Variants in NRXN1 observed in about 807,000 individuals in gnomAD.
The protein encoded by NRXN1 is neurexin 1.
In NRXN1, 39 loss-of-function variants were observed where a neutral mutation model predicts 150.9. That is an observed-to-expected ratio of 0.26 (90% CI 0.20 to 0.34). The LOEUF (loss-of-function observed/expected upper bound fraction) is 0.34. NRXN1 is among the 10% of genes least tolerant of loss of function. The pLI is 1.00. For missense variants in NRXN1, 1,815 were observed against 1,949.9 expected, an observed-to-expected ratio of 0.93 and a Z score of 1.30; for synonymous variants, 924 against 757.0, an observed-to-expected ratio of 1.22 and a Z score of -3.62.
rs70946891 is a variant in NRXN1, at chr2:50,132,856, CTT to C, written c.3547-41364_3547-41363del. Reference sequence around the variant, plus strand: ...AGTTCTGAAAGTCTGGATTTAGGGTCTTTTTTTTTTTTTTTTACCTTGCCATC... The same window carrying C: ...AGTTCTGAAAGTCTGGATTTAGGGTCTTTTTTTTTTTTTTACCTTGCCATC... On this transcript the variant is annotated intron_variant, in intron 18 of 22. Transcript: ENST00000401669. 2.4e-3 allele frequency among the ~76,000 whole-genome samples: 340 copies of C among 142,380 alleles called. 1 individual carries two copies. Among genetic ancestry groups the C allele is most frequent in the South Asian group, 3.9e-3 (17 of 4,364 alleles). The allele number at this position is 142,380 out of a possible 152,430, so 93.4% of individuals were successfully genotyped here.
At chr2:50,394,404 G>T (rs1470854156) in intron 17 of NRXN1, among the ~76,000 whole-genome samples, 1 of 152,084 alleles carries the variant, frequency 6.6e-6, no homozygotes. Context: ...TTCGCAACAA[G>T]TCTTCCGCTA....
At chr2:50,424,732 C>T (rs931148289) in intron 17 of NRXN1, among the ~76,000 whole-genome samples, 1 of 152,152 alleles carries the variant, frequency 6.6e-6, no homozygotes, top group Admixed American at 6.5e-5. Flanking sequence ...GAATTCAGCA[C>T]CCATATCTAA....
At chr2:50,190,300 C>T (rs774842675) in intron 18 of NRXN1, among the ~76,000 whole-genome samples, 5 of 152,134 alleles carry the variant, frequency 3.3e-5, no homozygotes, top group Admixed American at 3.3e-4. Context: ...GGTACAATTA[C>T]ACTACATAAA....
At chr2:50,835,967 A>G (rs1480591431) in intron 5 of NRXN1, among the ~76,000 whole-genome samples, 2 of 152,194 alleles carry the variant, frequency 1.3e-5, no homozygotes, top group Non-Finnish European at 2.9e-5. Context: ...GGATAAAGAC[A>G]CCTTTTAATT....
At chr2:49,993,779 C>G (rs1295894842) in intron 21 of NRXN1, among the ~76,000 whole-genome samples, 1 of 152,152 alleles carries the variant, frequency 6.6e-6, no homozygotes, top group Non-Finnish European at 1.5e-5. Flanking sequence ...AAGGCAATTG[C>G]TCATCATAGC....
intron 22 of NRXN1, among the ~76,000 whole-genome samples, chr2:49,934,294 GCA>G (rs947652647): frequency 9.2e-5 from 14 of 152,022 alleles, no homozygotes; most frequent in Non-Finnish European, 1.8e-4. Flanking sequence ...CTCTGGAATT[GCA>G]CAGTGTACTC....
intron 21 of NRXN1, among the ~76,000 whole-genome samples, chr2:50,000,712 T>C (rs1005573086): frequency 1.3e-5 from 2 of 152,148 alleles, no homozygotes; most frequent in African/African-American, 4.8e-5. Context: ...AGGATATCAA[T>C]GTGGTGAAAA....
intron 17 of NRXN1, among the ~76,000 whole-genome samples, chr2:50,243,229 C>T (rs1263189417): frequency 6.6e-6 from 1 of 151,106 alleles, no homozygotes; most frequent in African/African-American, 2.4e-5. Context: ...CTAAACATAC[C>T]GATTTGATTT....
At chr2:50,132,708 C>T (rs1232352889) in intron 18 of NRXN1, among the ~76,000 whole-genome samples, 2 of 152,094 alleles carry the variant, frequency 1.3e-5, no homozygotes, top group Non-Finnish European at 1.5e-5. Context: ...GTGTTTCTCT[C>T]TATTCCTTGG....
At chr2:50,645,048 A>T (rs1684625314) in intron 5 of NRXN1, among the ~76,000 whole-genome samples, 1 of 151,884 alleles carries the variant, frequency 6.6e-6, no homozygotes, top group African/African-American at 2.4e-5. Context: ...AAACTTTCTG[A>T]ATACAAAATG....
At chr2:50,047,258 C>T (rs150299590) in intron 21 of NRXN1, among the ~76,000 whole-genome samples, 1 of 152,078 alleles carries the variant, frequency 6.6e-6, no homozygotes, top group Non-Finnish European at 1.5e-5. Flanking sequence ...CCTCAATTTC[C>T]TCCTTTTTGA....
intron 18 of NRXN1, among the ~76,000 whole-genome samples, chr2:50,203,858 G>A (rs780585957): frequency 1.3e-5 from 2 of 151,884 alleles, no homozygotes; most frequent in South Asian, 4.1e-4. Context: ...ATTAAATTAG[G>A]CTTTCTTAAT....
intron 13 of NRXN1, 120 bp downstream of exon 13, chr2:50,506,375 A>G: frequency 1.2e-6 from 1 of 826,758 alleles, no homozygotes; most frequent in Non-Finnish European, 1.7e-6. Context: ...AAATAGAATA[A>G]AAATGGATTG....
chr2:49,964,682 A>C (rs962812013), intron 21 of NRXN1, among the ~76,000 whole-genome samples: 6 of 151,712 alleles, frequency 4.0e-5, no homozygotes, highest in African/African-American at 1.5e-4. Flanking sequence ...TCTACTAAAA[A>C]TACGAAAAAT....
chr2:51,011,081 G>A (rs1025230682), intron 2 of NRXN1, among the ~76,000 whole-genome samples: 7 of 151,964 alleles, frequency 4.6e-5, no homozygotes, highest in South Asian at 2.1e-4. Context: ...GCCTGATGGC[G>A]CTTTTTAATA....
intron 21 of NRXN1, among the ~76,000 whole-genome samples, chr2:49,963,415 G>T (rs1323308631): frequency 6.6e-6 from 1 of 152,184 alleles, no homozygotes; most frequent in African/African-American, 2.4e-5. Context: ...CTAAGCAAGA[G>T]AATGAGCAGA....
chr2:50,095,262 C>A (rs1269222428), intron 18 of NRXN1, among the ~76,000 whole-genome samples: 1 of 152,184 alleles, frequency 6.6e-6, no homozygotes, highest in East Asian at 1.9e-4. Flanking sequence ...TGTTGAGACT[C>A]CCTGTGGACT....
intron 18 of NRXN1, among the ~76,000 whole-genome samples, chr2:50,168,299 CA>C (rs2059809648): frequency 6.6e-6 from 1 of 152,110 alleles, no homozygotes; most frequent in South Asian, 2.1e-4. Context: ...CATATTTTAG[CA>C]ATAATTTACC....
chr2:50,357,774 C>A (rs2078923155), intron 17 of NRXN1, among the ~76,000 whole-genome samples: 1 of 152,156 alleles, frequency 6.6e-6, no homozygotes, highest in South Asian at 2.1e-4. Context: ...GTAGCAAACA[C>A]TGGATTCCCA....
Sources: allele counts gnomAD v4.1 joint callset (sites outside exome capture counted in the v4.1 genomes callset), GRCh38; gene constraint gnomAD v4.1.1; transcripts MANE v1.5; gene names NCBI Gene and HGNC (gene_info 2026-07-23, HGNC 2026-07-21).